ZNF709: variants seen among roughly 807,000 people sequenced by gnomAD.
ZNF709 encodes zinc finger protein 709.
In ZNF709, 15 loss-of-function variants were observed where a neutral mutation model predicts 10.6. That is an observed-to-expected ratio of 1.41 (90% CI 0.95 to 2.18). ZNF709 has a LOEUF of 2.18. Among genes scored for constraint, ZNF709 ranks in the 30% most tolerant of loss-of-function variants. The pLI, the probability that ZNF709 is intolerant of heterozygous loss-of-function variation, is 0.00. For missense variants in ZNF709, 589 were observed against 774.0 expected, an observed-to-expected ratio of 0.76 and a Z score of 2.84; for synonymous variants, 194 against 238.8, an observed-to-expected ratio of 0.81 and a Z score of 1.73.
chr19:12,465,388 A>G lies in ZNF709; in HGVS notation c.534T>C (p.Ser178=), dbSNP rs1469042171. Residue 178 remains serine (S), a synonymous_variant, in exon 4 of 4, where the codon AGT becomes AGC. Coordinates refer to ENST00000397732, the MANE Select transcript of ZNF709 (RefSeq NM_152601.4). ...CATGTATTTGAAAGGAACTGGGCCAACTGAAAGCCTTACCACACTGTTTAC... is the reference window on the plus strand; with the variant it reads ...CATGTATTTGAAAGGAACTGGGCCAGCTGAAAGCCTTACCACACTGTTTAC... ...YKCKQCGKAF[S]WPSSFQIHER... The G allele has an allele frequency of 6.2e-7, 1 of 1,612,888 alleles. No homozygotes were observed. Among genetic ancestry groups the G allele is most frequent in the South Asian group, 1.1e-5 (1 of 90,942 alleles).
At chr19:12,481,996 AAAGGAAGAAGGAAAG>A (rs1307461577) in intron 1 of ZNF709, among the ~76,000 whole-genome samples, 45 of 151,110 alleles carry the variant, frequency 3.0e-4, no homozygotes, top group South Asian at 2.1e-4. Context: ...GAAGGAAAGG[AAAGGAAGAAGGAAAG>A]GAAAGGGAAA....
intron 1 of ZNF709, among the ~76,000 whole-genome samples, chr19:12,483,219 C>G (rs1970743793): frequency 6.6e-6 from 1 of 151,994 alleles, no homozygotes; most frequent in Non-Finnish European, 1.5e-5. Context: ...AGGCTCAAAG[C>G]AGCCTCAACT....
At chr19:12,468,342 A>T (rs1395165577) in intron 1 of ZNF709, among the ~76,000 whole-genome samples, 3 of 152,122 alleles carry the variant, frequency 2.0e-5, no homozygotes, top group African/African-American at 4.8e-5. Context: ...CATTTTGTTC[A>T]GTACTAAGAA....
chr19:12,466,348 AAAAT>A (rs939249919), intron 3 of ZNF709, 110 bp downstream of exon 3: 23 of 1,152,166 alleles, frequency 2.0e-5, no homozygotes, highest in Admixed American at 1.8e-4. Flanking sequence ...AAATTTTCAA[AAAAT>A]AAATAAATAT....
chr19:12,465,384 G>A lies in ZNF709; in HGVS notation c.538C>T (p.Pro180Ser), dbSNP rs752731920. Residue 180 changes from proline (P) to serine (S), a missense_variant, in exon 4 of 4, where the codon CCC (proline) becomes TCC (serine). Coordinates refer to ENST00000397732, the MANE Select transcript of ZNF709 (RefSeq NM_152601.4). ...CTTTCATGTATTTGAAAGGAACTGG[G>A]CCAACTGAAAGCCTTACCACACTGT... Reference protein sequence around the residue: ...CKQCGKAFSWPSSFQIHERTH... With the variant: ...CKQCGKAFSWSSSFQIHERTH... The A allele has an allele frequency of 6.2e-7, 1 of 1,612,362 alleles. No homozygotes were observed. The highest frequency in any genetic ancestry group is 2.2e-5 in the East Asian group (1 of 44,820).
chr19:12,480,682 CAAA>C (rs373494664), intron 1 of ZNF709, among the ~76,000 whole-genome samples: 1 of 125,606 alleles, frequency 8.0e-6, no homozygotes, highest in African/African-American at 3.2e-5. Context: ...GACTCCGTCT[CAAA>C]AAAAAAAAAA....
intron 1 of ZNF709, among the ~76,000 whole-genome samples, chr19:12,472,902 T>G: frequency 6.6e-6 from 1 of 150,470 alleles, no homozygotes. Context: ...AAGGAAAAGG[T>G]ACATCTCGCT....
intron 1 of ZNF709, among the ~76,000 whole-genome samples, chr19:12,471,412 T>C (rs1255331262): frequency 6.6e-6 from 1 of 152,154 alleles, no homozygotes; most frequent in Non-Finnish European, 1.5e-5. Flanking sequence ...AAAATAGACT[T>C]ATAAAATTCT....
At position 12,477,008 on chromosome 19, in the gene ZNF709, T is replaced by C. The variant is rs182003859; in HGVS notation, c.3+7647A>G. 1.9e-3 allele frequency among the ~76,000 whole-genome samples: 289 copies of C among 152,304 alleles called. 3 individuals are homozygous for C. The highest frequency in any genetic ancestry group is 1.9e-4 in the Non-Finnish European group (13 of 68,028). On this transcript the variant is annotated intron_variant, in intron 1 of 3. Transcript: ENST00000397732. ...CAAAGACTGTGCAACAGCAAGGCTGTTGAGGTTCCCTTGGGAAACTAGGTA... is the reference window on the plus strand; with the variant it reads ...CAAAGACTGTGCAACAGCAAGGCTGCTGAGGTTCCCTTGGGAAACTAGGTA...
intron 1 of ZNF709, among the ~76,000 whole-genome samples, chr19:12,480,679 T>C (rs1019230372): frequency 2.5e-5 from 3 of 119,942 alleles, no homozygotes; most frequent in African/African-American, 8.2e-5. Context: ...CAAGACTCCG[T>C]CTCAAAAAAA....
At position 12,470,968 on chromosome 19, in the gene ZNF709, T is replaced by C. The variant is rs118065507; in HGVS notation, c.4-4118A>G. 9.4e-3 allele frequency among the ~76,000 whole-genome samples: 1,428 copies of C among 151,840 alleles called. 17 individuals are homozygous for C. The highest frequency in any genetic ancestry group is 0.015 in the Non-Finnish European group (1,017 of 67,958). ...GAGTGGCTTAGCGTGCCTAAATGGT[T>C]TATGGAATCAATAGAGTATATATTG... On this transcript the variant is annotated intron_variant, in intron 1 of 3. Coordinates refer to ENST00000397732, the MANE Select transcript of ZNF709 (RefSeq NM_152601.4).
rs533760307 is a variant in ZNF709 at position 12,470,158 on chromosome 19, G to A, written c.4-3308C>T. 5.9e-5 allele frequency among the ~76,000 whole-genome samples: 9 copies of A among 152,272 alleles called. No homozygotes were observed. The East Asian group carries it at 1.7e-3, about 29-fold the overall frequency. ...GCTCCCGTGAGGTACGTGGTGGCAT[G>A]AGATCCCGACACCAAAGCATAGGAA... On this transcript the variant is annotated intron_variant, in intron 1 of 3. Coordinates refer to ENST00000397732, the MANE Select transcript of ZNF709 (RefSeq NM_152601.4).
chr19:12,480,578 G>T (rs966278407), intron 1 of ZNF709, among the ~76,000 whole-genome samples: 2 of 151,808 alleles, frequency 1.3e-5, no homozygotes, highest in African/African-American at 2.4e-5. Flanking sequence ...AGCTCCTCAG[G>T]AGGCTGAGGC....
intron 1 of ZNF709, among the ~76,000 whole-genome samples, chr19:12,483,904 G>T (rs1970753772): frequency 6.6e-6 from 1 of 152,262 alleles, no homozygotes; most frequent in East Asian, 1.9e-4. Context: ...CAACCCAAAG[G>T]AGTTCCCATA....
chr19:12,469,648 A>T (rs1187835715), intron 1 of ZNF709, among the ~76,000 whole-genome samples: 2 of 152,070 alleles, frequency 1.3e-5, no homozygotes, highest in African/African-American at 4.8e-5. Context: ...GGGCGCCTGT[A>T]GACCCAGCTA....
chr19:12,465,119 T>G lies in ZNF709; in HGVS notation c.803A>C (p.Gln268Pro). 1.2e-6 allele frequency: 2 copies of G among 1,611,978 alleles called. No homozygotes were observed. Among genetic ancestry groups the G allele is most frequent in the Non-Finnish European group, 1.7e-6 (2 of 1,179,306 alleles). The change falls in exon 4 of 4, where the codon CAA becomes CCA. Residue 268 changes from glutamine (Q) to proline (P), a missense_variant. Transcript: ENST00000397732. ...CCCAGTGTGAGTCCTTTCATGTATT[T>G]GAAAAGTTTGGTAATATCTGAAAGC... Reference protein sequence around the residue: ...GKAFRYYQTFQIHERTHTGEK... With the variant: ...GKAFRYYQTFPIHERTHTGEK...
chr19:12,484,716 C>T lies in ZNF709; in HGVS notation c.-59G>A, dbSNP rs1169609768. ...TACCTCTCCCGCGGCCAGCACAGGT[C>T]CTACCTCCACCTGAGGCCCTTCCTC... On this transcript the variant is annotated 5_prime_UTR_variant, in exon 1 of 4. Transcript: ENST00000397732. 1.2e-6 allele frequency: 2 copies of T among 1,612,688 alleles called. No individual in the cohort carries two copies. Among genetic ancestry groups the T allele is most frequent in the South Asian group, 1.1e-5 (1 of 91,012 alleles).
rs2144983861 is a variant in ZNF709, at chr19:12,464,022, G to C, written c.1900C>G (p.His634Asp). 6.7e-7 allele frequency: 1 copy of C among 1,494,580 alleles called. No individual in the cohort carries two copies. The highest frequency in any genetic ancestry group is 2.3e-5 in the East Asian group (1 of 43,826). The allele number at this position is 1,494,580 out of a possible 1,614,324, so 92.6% of individuals were successfully genotyped here. A position where few individuals can be genotyped will look rare whatever the true frequency, so the allele number is the denominator to read the frequency against. ...AFKCSRSFRIHERVHSGE is the reference protein window; with the variant it reads ...AFKCSRSFRIDERVHSGE The stretch of plus-strand genomic sequence containing the variant: ...TACTCTCCACTATGAACTCTTTCAT[G>C]TATTCGAAAGGAACGGGAACACTTG... The change falls in exon 4 of 4, where the codon CAT becomes GAT. Residue 634 changes from histidine (H) to aspartate (D), a missense_variant. Physicochemically the swap from His to Asp is moderately conservative, Grantham distance 81 (BLOSUM62 -1). Around this residue, in one of 2 missense-constraint regions of ZNF709, gnomAD observed 171 missense variants for 277.7 expected, o/e 0.62. Transcript: ENST00000397732.
intron 1 of ZNF709, among the ~76,000 whole-genome samples, chr19:12,473,634 C>G (rs1478505072): frequency 6.6e-6 from 1 of 152,098 alleles, no homozygotes; most frequent in African/African-American, 2.4e-5. Flanking sequence ...ACCTATGAAG[C>G]CCTCAGTATC....
Sources: allele counts gnomAD v4.1 joint callset (sites outside exome capture counted in the v4.1 genomes callset), GRCh38; gene constraint gnomAD v4.1.1; regional missense constraint gnomAD v4.1.1; transcripts MANE v1.5; gene names NCBI Gene and HGNC (gene_info 2026-07-23, HGNC 2026-07-21).